The following CSMD1 variants were observed in gnomAD, a reference collection of about 807,000 sequenced individuals.
The protein encoded by CSMD1 is CUB and Sushi multiple domains 1.
A neutral mutation model predicts 417.5 loss-of-function variants in CSMD1; 213 were observed. That is an observed-to-expected ratio of 0.51 (90% CI 0.46 to 0.57). CSMD1 has a LOEUF of 0.57. CSMD1 is among the 20% of genes least tolerant of loss of function. The pLI is 0.00. For synonymous variants in CSMD1, 2,862 were observed against 1,736.8 expected (o/e 1.65, Z -16.11); for missense variants, 6,923 against 4,529.7 (o/e 1.53, Z -15.17).
At chr8:4,357,057 CTT>C (rs1410210904) in intron 3 of CSMD1, among the ~76,000 whole-genome samples, 1 of 152,286 alleles carries the variant, frequency 6.6e-6, no homozygotes, top group South Asian at 2.1e-4. Context: ...TAAAATGTAT[CTT>C]TACTGAAGGA....
chr8:4,524,994 T>C (rs1379207192), intron 2 of CSMD1, among the ~76,000 whole-genome samples: 1 of 152,104 alleles, frequency 6.6e-6, no homozygotes, highest in Non-Finnish European at 1.5e-5. Context: ...TTTTACTAGG[T>C]TTGTGCAAAA....
chr8:4,328,710 A>C (rs2128889237), intron 3 of CSMD1, among the ~76,000 whole-genome samples: 1 of 152,312 alleles, frequency 6.6e-6, no homozygotes, highest in African/African-American at 2.4e-5. Context: ...TTTATTAGCT[A>C]TACTATGGCT....
At chr8:3,290,637 G>A (rs1375361680) in intron 25 of CSMD1, among the ~76,000 whole-genome samples, 1 of 147,150 alleles carries the variant, frequency 6.8e-6, no homozygotes, top group Non-Finnish European at 1.5e-5. Context: ...GTCTGTTATT[G>A]GCGTATGAGA....
intron 3 of CSMD1, among the ~76,000 whole-genome samples, chr8:4,124,585 G>C: frequency 6.6e-6 from 1 of 152,238 alleles, no homozygotes; most frequent in East Asian, 1.9e-4. Flanking sequence ...GGGACCATCT[G>C]GGGTTTCCTG....
intron 21 of CSMD1, among the ~76,000 whole-genome samples, chr8:3,350,474 T>A (rs1489918866): frequency 1.3e-5 from 2 of 152,144 alleles, no homozygotes; most frequent in Non-Finnish European, 2.9e-5. Flanking sequence ...ACTGATGTGA[T>A]ATAAACTGTG....
intron 5 of CSMD1, among the ~76,000 whole-genome samples, chr8:3,935,731 T>C (rs551379898): frequency 3.9e-5 from 6 of 152,274 alleles, no homozygotes; most frequent in African/African-American, 1.4e-4. Context: ...CCTCCTTCAT[T>C]GGGCCTCGCT....
At chr8:4,196,136 G>T (rs191996036) in intron 3 of CSMD1, among the ~76,000 whole-genome samples, 2 of 152,090 alleles carry the variant, frequency 1.3e-5, no homozygotes, top group Non-Finnish European at 2.9e-5. Flanking sequence ...GCTTGAACCC[G>T]GGAAGTGGAG....
At chr8:4,269,212 A>G (rs531431424) in intron 3 of CSMD1, among the ~76,000 whole-genome samples, 59 of 152,146 alleles carry the variant, frequency 3.9e-4, no homozygotes, top group African/African-American at 1.4e-3. Flanking sequence ...CCGAGCCACC[A>G]CACCCGGCTA....
At chr8:3,240,200 C>G (rs1799408540) in intron 26 of CSMD1, among the ~76,000 whole-genome samples, 1 of 151,974 alleles carries the variant, frequency 6.6e-6, no homozygotes, top group South Asian at 2.1e-4. Context: ...CTGCGCAGCC[C>G]ACACTTCAGC....
intron 1 of CSMD1, among the ~76,000 whole-genome samples, chr8:4,785,741 T>G (rs1374481399): frequency 2.6e-5 from 4 of 152,184 alleles, no homozygotes; most frequent in Non-Finnish European, 4.4e-5. Context: ...TTACTCTCAG[T>G]GCATCATACA....
intron 6 of CSMD1, among the ~76,000 whole-genome samples, chr8:3,728,046 C>T (rs1381494420): frequency 6.6e-6 from 1 of 152,044 alleles, no homozygotes; most frequent in Non-Finnish European, 1.5e-5. Context: ...CTGAATTGTA[C>T]ATTTGAAAGG....
At chr8:3,541,373 T>C (rs956382713) in intron 10 of CSMD1, among the ~76,000 whole-genome samples, 2 of 151,936 alleles carry the variant, frequency 1.3e-5, no homozygotes, top group Non-Finnish European at 2.9e-5. Flanking sequence ...CTGGGGCCTG[T>C]TGAGGGGAGC....
intron 3 of CSMD1, among the ~76,000 whole-genome samples, chr8:4,324,221 A>T (rs749919006): frequency 2.0e-5 from 3 of 152,246 alleles, no homozygotes; most frequent in Non-Finnish European, 4.4e-5. Context: ...TGTATGATGC[A>T]TCTGCAGAGA....
At chr8:4,673,036 C>T (rs1278098767) in intron 1 of CSMD1, among the ~76,000 whole-genome samples, 1 of 151,256 alleles carries the variant, frequency 6.6e-6, no homozygotes, top group Non-Finnish European at 1.5e-5. Flanking sequence ...CACACGGTGA[C>T]ACAACACACA....
At position 3,167,291 on chromosome 8, in the gene CSMD1, G is replaced by GA. The variant is rs61026104; in HGVS notation, c.5726-5015dup. On this transcript the variant is annotated intron_variant, in intron 37 of 69. Transcript: ENST00000635120. ...AGAGCAAGACTCCAACTTGGAAAAA[G>GA]AAAAAAAAAAAAAAAAAAGGTGGTT... Among the ~76,000 whole-genome samples the GA allele has an allele frequency of 8.3e-3, 850 of 102,638 alleles. 10 individuals carry two copies. Among genetic ancestry groups the GA allele is most frequent in the Non-Finnish European group, 9.4e-3 (457 of 48,714 alleles). The allele number at this position is 102,638 out of a possible 152,430, so 67.3% of individuals were successfully genotyped here.
At chr8:2,969,490 G>T (rs1178369073) in intron 57 of CSMD1, among the ~76,000 whole-genome samples, 3 of 152,140 alleles carry the variant, frequency 2.0e-5, no homozygotes, top group Non-Finnish European at 2.9e-5. Flanking sequence ...AATTCTTTGA[G>T]TTGAAGAATT....
At position 4,882,759 on chromosome 8, in the gene CSMD1, T is replaced by TA. The variant is rs564063161; in HGVS notation, c.85+111572dup. Among the ~76,000 whole-genome samples, 825 of 151,712 alleles carry TA rather than the reference T, an allele frequency of 5.4e-3. 6 individuals are homozygous for TA. Among genetic ancestry groups the TA allele is most frequent in the Non-Finnish European group, 9.3e-3 (631 of 67,914 alleles). On this transcript the variant is annotated intron_variant, in intron 1 of 69. Coordinates refer to ENST00000635120, the MANE Select transcript of CSMD1 (RefSeq NM_033225.6). ...TTATAATATTATAATAATTATCTTT[T>TA]AAAAAAAACAGAATGCCTTACACTG...
intron 3 of CSMD1, among the ~76,000 whole-genome samples, chr8:4,168,492 G>C (rs943036758): frequency 7.2e-5 from 11 of 151,800 alleles, no homozygotes; most frequent in African/African-American, 2.7e-4. Context: ...GTAGAAAAAA[G>C]GGCTCTAACA....
rs58329421 is a variant in CSMD1 at position 3,734,479 on chromosome 8, G to A, written c.931+19451C>T. 1.6e-4 allele frequency among the ~76,000 whole-genome samples: 24 copies of A among 152,312 alleles called. No individual in the cohort carries two copies. In the East Asian group the frequency reaches 3.9e-3, roughly 25 times the overall value. On this transcript the variant is annotated intron_variant, in intron 6 of 69. Coordinates refer to ENST00000635120, the MANE Select transcript of CSMD1 (RefSeq NM_033225.6). Reference sequence around the variant, plus strand: ...TAATCCCAGCACTTTGAGAGGCTGAGGTGGGTGGATCCCTTGACGTCAGGA... The same window carrying A: ...TAATCCCAGCACTTTGAGAGGCTGAAGTGGGTGGATCCCTTGACGTCAGGA...
Sources: allele counts gnomAD v4.1 joint callset (sites outside exome capture counted in the v4.1 genomes callset), GRCh38; gene constraint gnomAD v4.1.1; transcripts MANE v1.5; gene names NCBI Gene and HGNC (gene_info 2026-07-23, HGNC 2026-07-21).